KCTD13: variants seen among roughly 807,000 people sequenced by gnomAD.
KCTD13 encodes potassium channel tetramerization domain containing 13, also known as BTB/POZ domain-containing adapter for CUL3-mediated RhoA degradation protein 1.
Under a neutral mutation model 32.3 loss-of-function variants are expected in KCTD13, and 15 were observed. That is an observed-to-expected ratio of 0.46 (90% confidence interval 0.31 to 0.71). The LOEUF (loss-of-function observed/expected upper bound fraction) is 0.71. Among genes scored for constraint, KCTD13 ranks in the 30% least tolerant of loss-of-function variants. The probability of loss-of-function intolerance (pLI) is 0.05; values close to 1 mark genes in which losing one functional copy is unlikely to be tolerated. For synonymous variants in KCTD13, 189 were observed against 200.1 expected, an observed-to-expected ratio of 0.94 and a Z score of 0.47; for missense variants, 337 against 452.6, an observed-to-expected ratio of 0.74 and a Z score of 2.32.
chr16:29,908,987 C>CT (rs1370609043), intron 5 of KCTD13, among the ~76,000 whole-genome samples: 1 of 152,100 alleles, frequency 6.6e-6, no homozygotes. Flanking sequence ...GCCATGCACT[C>CT]TAATTATTGG....
intron 2 of KCTD13, chr16:29,921,797 C>T (rs1379075504): frequency 2.6e-5 from 4 of 152,152 alleles, no homozygotes; most frequent in Admixed American, 6.6e-5. Flanking sequence ...TGGTGAAACC[C>T]CGTCTCTACT....
chr16:29,916,553 T>C (rs984525430), intron 2 of KCTD13, among the ~76,000 whole-genome samples: 1 of 152,126 alleles, frequency 6.6e-6, no homozygotes, highest in Non-Finnish European at 1.5e-5. Flanking sequence ...GGTAACAAAT[T>C]ACTACAAACT....
chr16:29,924,331 G>C (rs143354300), intron 1 of KCTD13, among the ~76,000 whole-genome samples: 109 of 152,238 alleles, frequency 7.2e-4, no homozygotes, highest in Non-Finnish European at 1.2e-3. Context: ...TATTCAACCA[G>C]ATAATTAACT....
At chr16:29,920,644 G>A (rs1460452951) in intron 2 of KCTD13, 1 of 152,180 alleles carries the variant, frequency 6.6e-6, no homozygotes, top group Non-Finnish European at 1.5e-5. Context: ...TATATGAAAA[G>A]ATGCTGAACC....
chr16:29,907,613 C>G (rs561777439), intron 5 of KCTD13, among the ~76,000 whole-genome samples: 11 of 151,670 alleles, frequency 7.3e-5, no homozygotes, highest in Non-Finnish European at 1.3e-4. Flanking sequence ...ATGGTGTAAC[C>G]CCATCTCTAC....
At chr16:29,911,527 C>G (rs2068709081) in intron 4 of KCTD13, 2 of 585,908 alleles carry the variant, frequency 3.4e-6, no homozygotes, top group African/African-American at 3.7e-5. Flanking sequence ...CACAACAGTA[C>G]TGACCTCAAG....
rs2068698970 is a variant in KCTD13 at position 29,911,047 on chromosome 16, C to T, written c.684G>A (p.Gly228=). 1 of 1,614,052 alleles carries T rather than the reference C, an allele frequency of 6.2e-7. No homozygotes were observed. Among genetic ancestry groups the T allele is most frequent in the Admixed American group, 1.7e-5 (1 of 59,990 alleles). Residue 228 remains glycine, a synonymous_variant, in exon 5 of 6, where the codon GGG becomes GGA. Coordinates refer to ENST00000568000, the MANE Select transcript of KCTD13 (RefSeq NM_178863.5). The stretch of plus-strand genomic sequence containing the variant: ...ACACCTCGGCGATTTTGCGGCCCTG[C>T]CCGTAGAAAGACCAGCAGCAGATCT... The part of the protein sequence containing the change: ...GDEICCWSFY[G]QGRKIAEVCC...
At chr16:29,907,918 G>A (rs986038832) in intron 5 of KCTD13, among the ~76,000 whole-genome samples, 5 of 151,688 alleles carry the variant, frequency 3.3e-5, no homozygotes, top group African/African-American at 9.7e-5. Context: ...CAGGAACATC[G>A]TTAGAGCCCA....
chr16:29,908,868 T>A (rs1037051749), intron 5 of KCTD13, among the ~76,000 whole-genome samples: 43 of 151,612 alleles, frequency 2.8e-4, no homozygotes, highest in African/African-American at 8.7e-4. Context: ...AATTTTTTTT[T>A]ATTTTTTGTA....
chr16:29,915,986 C>G (rs1197762328), intron 2 of KCTD13, among the ~76,000 whole-genome samples: 2 of 152,080 alleles, frequency 1.3e-5, no homozygotes, highest in African/African-American at 4.8e-5. Context: ...AACTTACTCT[C>G]TCCTCTTCAG....
rs978716519 is a variant in KCTD13, at chr16:29,906,620, G to A, written c.*252C>T. 1.5e-6 allele frequency: 1 copy of A among 656,924 alleles called. No individual in the cohort carries two copies. The highest frequency in any genetic ancestry group is 2.8e-6 in the Non-Finnish European group (1 of 354,570). 40.7% of individuals were successfully genotyped at this position (656,924 alleles called of 1,614,324 possible). A position where few individuals can be genotyped will look rare whatever the true frequency, so the allele number is the denominator to read the frequency against. On this transcript the variant is annotated 3_prime_UTR_variant, in exon 6 of 6. Transcript: ENST00000568000. ...CCCTCTTAACCAGCTGGAGAGGGAA[G>A]GACGCAGGGCCAGGGTGGGGACAAG...
Position 29,925,974 on chromosome 16 carries a change from C to T in KCTD13, c.60G>A (p.Lys20=). Residue 20 remains lysine (K), a synonymous_variant, in exon 1 of 6, where the codon AAG becomes AAA. Coordinates refer to ENST00000568000, the MANE Select transcript of KCTD13 (RefSeq NM_178863.5). ...CGGGGCCAGGCTCGAGACCCGAGGG[C>T]TTGGGGGCTTCCAGGGACGGGGCCG... ...AAAAPSLEAP[K]PSGLEPGPAA... 1.2e-6 allele frequency: 2 copies of T among 1,610,024 alleles called. No individual in the cohort carries two copies. The highest frequency in any genetic ancestry group is 1.7e-6 in the Non-Finnish European group (2 of 1,177,664).
chr16:29,910,213 C>T, intron 5 of KCTD13, among the ~76,000 whole-genome samples: 1 of 151,374 alleles, frequency 6.6e-6, no homozygotes, highest in Non-Finnish European at 1.5e-5. Flanking sequence ...TCCTGGCCAA[C>T]ATGGTGAAAC....
At chr16:29,911,757 A>C (rs2068714507) in intron 4 of KCTD13, 58 bp downstream of exon 4, 1 of 1,588,366 alleles carries the variant, frequency 6.3e-7, no homozygotes, top group African/African-American at 1.3e-5. Context: ...CCTTGGGCAG[A>C]AGCAGGGCTG....
chr16:29,907,257 A>G (rs1387676897), intron 5 of KCTD13, 149 bp from the exon 6 acceptor site: 4 of 593,366 alleles, frequency 6.7e-6, no homozygotes, highest in Non-Finnish European at 1.2e-5. Context: ...TCCTTTACTC[A>G]GCAAAGTCAT....
Position 29,906,825 on chromosome 16 carries a change from A to G in KCTD13, c.*47T>C. 1 of 1,527,368 alleles carries G rather than the reference A, an allele frequency of 6.5e-7. No homozygotes were observed. Among genetic ancestry groups the G allele is most frequent in the Non-Finnish European group, 9.0e-7 (1 of 1,105,244 alleles). 94.6% of individuals were successfully genotyped at this position (1,527,368 alleles called of 1,614,324 possible). A position where few individuals can be genotyped will look rare whatever the true frequency, so the allele number is the denominator to read the frequency against. The stretch of plus-strand genomic sequence containing the variant: ...GTCTGGGAAGGGGAGGGAAAGAGAG[A>G]GGGACTGGGTCCCAAGGCAAGAGGA... On this transcript the variant is annotated 3_prime_UTR_variant, in exon 6 of 6. Coordinates refer to ENST00000568000, the MANE Select transcript of KCTD13 (RefSeq NM_178863.5).
chr16:29,911,683 C>T (rs1315806784), intron 4 of KCTD13, 132 bp downstream of exon 4: 20 of 921,230 alleles, frequency 2.2e-5, no homozygotes, highest in South Asian at 6.1e-5. Flanking sequence ...GGGTAAGAGG[C>T]GAAGCCGAAT....
In KCTD13 at chr16:29,922,480, C is replaced by T. The variant is rs1449414405; in HGVS notation, c.414+710G>A. ...TCTCCCTTCCCTGTCTTTCGGAACC[C>T]GAGGACAGAATCCCAGAGGTAGGAA... On this transcript the variant is annotated intron_variant, in intron 2 of 5. Transcript: ENST00000568000. 2.6e-5 allele frequency: 4 copies of T among 152,546 alleles called. No individual in the cohort carries two copies. In the East Asian group the frequency reaches 7.7e-4, roughly 29 times the overall value. 9.4% of individuals were successfully genotyped at this position (152,546 alleles called of 1,614,324 possible).
In KCTD13 at chr16:29,906,797, A is replaced by G; in HGVS notation, c.*75T>C. ...CGACTTGGCCAGCAGAGCCGGGGCA[A>G]AAGTCTGGGAAGGGGAGGGAAAGAG... On this transcript the variant is annotated 3_prime_UTR_variant, in exon 6 of 6. Coordinates refer to ENST00000568000, the MANE Select transcript of KCTD13 (RefSeq NM_178863.5). 2 of 1,358,632 alleles carry G rather than the reference A, an allele frequency of 1.5e-6. No homozygotes were observed. The highest frequency in any genetic ancestry group is 1.9e-5 in the Admixed American group (1 of 53,208). 84.2% of individuals were successfully genotyped at this position (1,358,632 alleles called of 1,614,324 possible).
Sources: allele counts gnomAD v4.1 joint callset (sites outside exome capture counted in the v4.1 genomes callset), GRCh38; gene constraint gnomAD v4.1.1; transcripts MANE v1.5; gene names NCBI Gene and HGNC (gene_info 2026-07-23, HGNC 2026-07-21).